The following ST3GAL4 variants were observed in gnomAD, a reference collection of about 807,000 sequenced individuals.
ST3GAL4 encodes the protein ST3 beta-galactoside alpha-2,3-sialyltransferase 4.
Under a neutral mutation model 42.6 loss-of-function variants are expected in ST3GAL4, and 24 were observed. That is an observed-to-expected ratio of 0.56 (90% CI 0.41 to 0.79). The LOEUF (loss-of-function observed/expected upper bound fraction) is 0.79. Ranked by LOEUF, ST3GAL4 falls within the 30% of genes least tolerant of loss-of-function variation. The pLI, the probability that ST3GAL4 is intolerant of heterozygous loss-of-function variation, is 0.00. For synonymous variants in ST3GAL4, 135 were observed against 163.2 expected (o/e 0.83, Z 1.32); for missense variants, 311 against 430.8 (o/e 0.72, Z 2.46).
At position 126,400,401 on chromosome 11, in the gene ST3GAL4, A is replaced by G. The variant is rs1460328308; in HGVS notation, c.-60-5695A>G. On this transcript the variant is annotated intron_variant, in intron 1 of 10. Coordinates refer to ENST00000444328, the MANE Select transcript of ST3GAL4 (RefSeq NM_001254757.2). This position sits in a 1 kb window ranked among gnomAD's most constrained non-coding sequence, Gnocchi z 4.6. ...TATTAGGCCCTGCTTATACTGTTGC[A>G]CTGGGGATCAAGTTGCAGCACTTGG... Among the ~76,000 whole-genome samples the G allele has an allele frequency of 6.6e-6, 1 of 152,226 alleles. No individual in the cohort carries two copies. Among genetic ancestry groups the G allele is most frequent in the Non-Finnish European group, 1.5e-5 (1 of 68,036 alleles).
rs753894351 is a variant in ST3GAL4 at position 126,414,038 on chromosome 11, G to A, written c.993G>A (p.Thr331=). The A allele has an allele frequency of 2.0e-5, 33 of 1,614,114 alleles. No homozygotes were observed. Among genetic ancestry groups the A allele is most frequent in the Middle Eastern group, 1.6e-4 (1 of 6,084 alleles). The change falls in exon 11 of 11, where the codon ACG becomes ACA. Residue 331 remains threonine, a synonymous_variant. Transcript: ENST00000444328. ...AGATGGGAGCTATCAAGAACCTCAC[G>A]TCCTTCTGACCTGGGCAAGAGCTGT... ...MLEMGAIKNL[T]SF
chr11:126,367,106 T>C (rs1323433246), intron 1 of ST3GAL4, among the ~76,000 whole-genome samples: 1 of 152,076 alleles, frequency 6.6e-6, no homozygotes, highest in African/African-American at 2.4e-5. Context: ...GAGGCTGGTG[T>C]CTGGTCAGGC....
chr11:126,372,905 C>T (rs150518551), intron 1 of ST3GAL4, among the ~76,000 whole-genome samples: 40 of 152,290 alleles, frequency 2.6e-4, no homozygotes, highest in African/African-American at 9.1e-4. Flanking sequence ...GTACAAATAT[C>T]GCTTTGATAT....
At chr11:126,408,058 A>AG in intron 6 of ST3GAL4, 41 bp from the exon 7 acceptor site, 1 of 1,601,682 alleles carries the variant, frequency 6.2e-7, no homozygotes, top group Non-Finnish European at 8.5e-7. Flanking sequence ...AGCCTGGGTT[A>AG]GAGTGTGGGG....
At position 126,373,823 on chromosome 11, in the gene ST3GAL4, G is replaced by A. The variant is rs376996542; in HGVS notation, c.-61+17981G>A. ...CTCTAATGAGCCAGGAAGCCTCCCC[G>A]TGCCCAGGCGTGCTGTGATCACAGT... On this transcript the variant is annotated intron_variant, in intron 1 of 10. Coordinates refer to ENST00000444328, the MANE Select transcript of ST3GAL4 (RefSeq NM_001254757.2). The surrounding 1 kb of genome is among the most constrained non-coding windows in gnomAD (Gnocchi z 5.5). Among the ~76,000 whole-genome samples the A allele has an allele frequency of 3.2e-4, 48 of 152,066 alleles. No individual in the cohort carries two copies. The South Asian group carries it at 8.1e-3, about 26-fold the overall frequency.
At position 126,363,873 on chromosome 11, in the gene ST3GAL4, C is replaced by G. The variant is rs562740860; in HGVS notation, c.-61+8031C>G. On this transcript the variant is annotated intron_variant, in intron 1 of 10. Coordinates refer to ENST00000444328, the MANE Select transcript of ST3GAL4 (RefSeq NM_001254757.2). The surrounding 1 kb of genome is among the most constrained non-coding windows in gnomAD (Gnocchi z 4.6). ...TGAGGGTCTGGATACACTCCCCACC[C>G]TCCCAGGCCCGGCACCGTGTCGCCC... Among the ~76,000 whole-genome samples, 1 of 152,382 alleles carries G rather than the reference C, an allele frequency of 6.6e-6. No individual in the cohort carries two copies. Among genetic ancestry groups the G allele is most frequent in the South Asian group, 2.1e-4 (1 of 4,828 alleles).
At chr11:126,368,662 C>T (rs375931924) in intron 1 of ST3GAL4, among the ~76,000 whole-genome samples, 12 of 152,288 alleles carry the variant, frequency 7.9e-5, no homozygotes, top group African/African-American at 2.9e-4. Context: ...GGAGCCAGCT[C>T]TACAGAAGCC....
rs1201799196 is a variant in ST3GAL4 at position 126,393,477 on chromosome 11, G to A, written c.-60-12619G>A. ...GGGCCCAGATGGCTCAGGAGGAGGG[G>A]GATGGGGACGGGGAGAGTGAGGTCT... On this transcript the variant is annotated intron_variant, in intron 1 of 10. Coordinates refer to ENST00000444328, the MANE Select transcript of ST3GAL4 (RefSeq NM_001254757.2). The surrounding 1 kb of genome is among the most constrained non-coding windows in gnomAD (Gnocchi z 5.9). Among the ~76,000 whole-genome samples, 2 of 152,214 alleles carry A rather than the reference G, an allele frequency of 1.3e-5. No homozygotes were observed. Among genetic ancestry groups the A allele is most frequent in the Non-Finnish European group, 2.9e-5 (2 of 68,042 alleles).
rs1201095688 is a variant in ST3GAL4 at position 126,393,366 on chromosome 11, G to T, written c.-60-12730G>T. 6.6e-6 allele frequency: 1 copy of T among 152,312 alleles called. No individual in the cohort carries two copies. The highest frequency in any genetic ancestry group is 2.4e-5 in the African/African-American group (1 of 41,458). 9.4% of individuals were successfully genotyped at this position (152,312 alleles called of 1,614,324 possible). On this transcript the variant is annotated intron_variant, in intron 1 of 10. Coordinates refer to ENST00000444328, the MANE Select transcript of ST3GAL4 (RefSeq NM_001254757.2). This position sits in a 1 kb window ranked among gnomAD's most constrained non-coding sequence, Gnocchi z 5.9. Reference sequence around the variant, plus strand: ...AGGCACTGGGGCAGGATATCAGGGGGTCCAGAAGAGGTTGGGTTTAGGCAG... The same window carrying T: ...AGGCACTGGGGCAGGATATCAGGGGTTCCAGAAGAGGTTGGGTTTAGGCAG...
At chr11:126,412,817 T>C (rs1022150447) in intron 9 of ST3GAL4, among the ~76,000 whole-genome samples, 2 of 152,224 alleles carry the variant, frequency 1.3e-5, no homozygotes, top group African/African-American at 4.8e-5. Flanking sequence ...CTTAACGCTT[T>C]TGTAAGCCTT....
rs923584386 is a variant in ST3GAL4 at position 126,363,237 on chromosome 11, T to A, written c.-61+7395T>A. 6.6e-5 allele frequency among the ~76,000 whole-genome samples: 10 copies of A among 152,218 alleles called. No individual in the cohort carries two copies. Among genetic ancestry groups the A allele is most frequent in the Non-Finnish European group, 1.3e-4 (9 of 68,040 alleles). On this transcript the variant is annotated intron_variant, in intron 1 of 10. Coordinates refer to ENST00000444328, the MANE Select transcript of ST3GAL4 (RefSeq NM_001254757.2). The surrounding 1 kb of genome is among the most constrained non-coding windows in gnomAD (Gnocchi z 4.6). ...TTTGAGCCGTGCTCTTCTTCTTCAA[T>A]CCCTTTCTGTCTGCCTTCTCTTTCC...
At chr11:126,370,786 C>T (rs1952613262) in intron 1 of ST3GAL4, among the ~76,000 whole-genome samples, 3 of 151,888 alleles carry the variant, frequency 2.0e-5, no homozygotes, top group South Asian at 4.2e-4. Flanking sequence ...AAGCAATTCT[C>T]CTGCCTCAGC....
intron 1 of ST3GAL4, among the ~76,000 whole-genome samples, chr11:126,369,165 C>T (rs1217503359): frequency 6.6e-6 from 1 of 152,186 alleles, no homozygotes; most frequent in Admixed American, 6.5e-5. Context: ...CAGCTGCTTC[C>T]ATTTCAGTAA....
chr11:126,368,274 G>T (rs990577155), intron 1 of ST3GAL4, among the ~76,000 whole-genome samples: 10 of 152,182 alleles, frequency 6.6e-5, no homozygotes, highest in Non-Finnish European at 1.0e-4. Context: ...GCTGAGACAG[G>T]ATTACCTGAC....
At chr11:126,388,562 C>G (rs1240039014) in intron 1 of ST3GAL4, among the ~76,000 whole-genome samples, 2 of 151,340 alleles carry the variant, frequency 1.3e-5, no homozygotes, top group Non-Finnish European at 2.9e-5. Flanking sequence ...GAACTCATGA[C>G]CTCAAATGAT....
chr11:126,370,277 C>T (rs1357668434), intron 1 of ST3GAL4, among the ~76,000 whole-genome samples: 3 of 152,216 alleles, frequency 2.0e-5, no homozygotes, highest in East Asian at 1.9e-4. Context: ...GCTTCCCACA[C>T]TCCCCCAGCA....
At chr11:126,381,989 C>T (rs1429595763) in intron 1 of ST3GAL4, among the ~76,000 whole-genome samples, 4 of 152,074 alleles carry the variant, frequency 2.6e-5, no homozygotes, top group African/African-American at 7.2e-5. Flanking sequence ...GCCCACTCAT[C>T]CAGGGATGCA....
chr11:126,387,161 T>C (rs952702022), intron 1 of ST3GAL4, among the ~76,000 whole-genome samples: 1 of 152,216 alleles, frequency 6.6e-6, no homozygotes, highest in African/African-American at 2.4e-5. Context: ...TAATTGTCTT[T>C]GGAGCTACAT....
At chr11:126,405,931 A>C in intron 1 of ST3GAL4, 165 bp from the exon 2 acceptor site, 1 of 806,004 alleles carries the variant, frequency 1.2e-6, no homozygotes, top group Non-Finnish European at 2.0e-6. Flanking sequence ...TGGAGGAGTT[A>C]GGAGGATCCT....
Sources: gnomAD v4.1 joint callset for allele counts (sites outside exome capture counted in the v4.1 genomes callset) on GRCh38, gnomAD v4.1.1 for gene constraint, Gnocchi (gnomAD v3.1) non-coding constraint, MANE v1.5 for transcripts, NCBI Gene and HGNC (gene_info 2026-07-23, HGNC 2026-07-21) for gene names.